Variants in NDEL1 observed in about 807,000 individuals in gnomAD.
NDEL1 encodes the protein nudE neurodevelopment protein 1 like 1.
Under a neutral mutation model 45.7 loss-of-function variants are expected in NDEL1, and 9 were observed. That is an observed-to-expected ratio of 0.20 (90% CI 0.12 to 0.34). The LOEUF (loss-of-function observed/expected upper bound fraction) is 0.34, where lower values mean the gene tolerates loss of function less well. Ranked by LOEUF, NDEL1 falls within the 10% of genes least tolerant of loss-of-function variation. The probability of loss-of-function intolerance (pLI) is 1.00; values close to 1 mark genes in which losing one functional copy is unlikely to be tolerated. For synonymous variants in NDEL1, 133 were observed against 158.6 expected, an observed-to-expected ratio of 0.84 and a Z score of 1.21; for missense variants, 306 against 406.2, an observed-to-expected ratio of 0.75 and a Z score of 2.12.
intron 7 of NDEL1, among the ~76,000 whole-genome samples, chr17:8,455,784 A>AC (rs1415177094): frequency 6.6e-6 from 1 of 151,424 alleles, no homozygotes; most frequent in Admixed American, 6.6e-5. Context: ...CAAGAGTATT[A>AC]CCCCATTTTT....
intron 8 of NDEL1, chr17:8,463,379 C>CT: frequency 1.2e-6 from 2 of 1,607,912 alleles, no homozygotes; most frequent in South Asian, 2.2e-5. Flanking sequence ...TTGCTGTGCT[C>CT]TTTTTCATTC....
chr17:8,444,475 G>A, intron 2 of NDEL1, 118 bp downstream of exon 2: 1 of 672,752 alleles, frequency 1.5e-6, no homozygotes. Flanking sequence ...TAGGATTCTA[G>A]GATTGAGATT....
At position 8,459,833 on chromosome 17, in the gene NDEL1, G is replaced by A. The variant is rs572936561; in HGVS notation, c.793-176G>A. ...AAAATATTCTGAGGTCATTAGAAAG[G>A]GAGCATAAGTATTCCCCCTTTTTAT... On this transcript the variant is annotated intron_variant, in intron 7 of 8. Transcript: ENST00000334527. Among the ~76,000 whole-genome samples the A allele has an allele frequency of 1.3e-4, 20 of 152,280 alleles. No individual in the cohort carries two copies. The South Asian group carries it at 2.9e-3, about 22-fold the overall frequency.
intron 1 of NDEL1, among the ~76,000 whole-genome samples, chr17:8,441,648 TCAC>T (rs1252275818): frequency 1.3e-5 from 2 of 152,206 alleles, no homozygotes; most frequent in Non-Finnish European, 2.9e-5. Flanking sequence ...TAACATGTCT[TCAC>T]CACAACCTCA....
chr17:8,444,137 A>C (rs1240918369), intron 1 of NDEL1, 123 bp from the exon 2 acceptor site: 3 of 628,762 alleles, frequency 4.8e-6, no homozygotes, highest in Admixed American at 5.7e-5. Flanking sequence ...AGAGTTAACC[A>C]CTGGAATCTC....
intron 1 of NDEL1, among the ~76,000 whole-genome samples, chr17:8,424,396 TG>T (rs1908775717): frequency 6.6e-6 from 1 of 152,272 alleles, no homozygotes; most frequent in African/African-American, 2.4e-5. Flanking sequence ...AACATCCTGT[TG>T]GACAATTTGC....
intron 6 of NDEL1, among the ~76,000 whole-genome samples, chr17:8,454,415 G>A (rs139973202): frequency 6.6e-6 from 1 of 152,090 alleles, no homozygotes; most frequent in African/African-American, 2.4e-5. Context: ...TATTATCAAG[G>A]GCACCACCGC....
At chr17:8,428,616 G>A (rs141299556) in intron 1 of NDEL1, among the ~76,000 whole-genome samples, 198 of 151,996 alleles carry the variant, frequency 1.3e-3, no homozygotes, top group African/African-American at 4.5e-3. Flanking sequence ...GACCACCCTG[G>A]CCTCCCAAAG....
chr17:8,463,422 T>A (rs369378944), intron 8 of NDEL1: 33 of 1,487,128 alleles, frequency 2.2e-5, no homozygotes, highest in Non-Finnish European at 2.0e-5. Flanking sequence ...GGAAGACACA[T>A]TAACAATCTG....
chr17:8,449,246 G>A (rs1374198226), intron 5 of NDEL1, among the ~76,000 whole-genome samples: 3 of 152,194 alleles, frequency 2.0e-5, no homozygotes, highest in Admixed American at 1.3e-4. Flanking sequence ...CTCCCAAAAT[G>A]CTGGGATTAC....
downstream of NDEL1, among the ~76,000 whole-genome samples, chr17:8,469,098 TGTTA>T (rs562746707): frequency 6.6e-5 from 10 of 152,188 alleles, no homozygotes; most frequent in Non-Finnish European, 1.0e-4. Flanking sequence ...GAATATCTGC[TGTTA>T]GTTCCTGGAG....
In NDEL1 at chr17:8,426,308, C is replaced by T. The variant is rs114457541; in HGVS notation, c.-13+13039C>T. ...CATTGGCTTACCTGGTAATGGGAAT[C>T]GGGCTAAAATTGCTTAATAAGCTTA... is the stretch of plus-strand genomic sequence containing the variant. On this transcript the variant is annotated intron_variant, in intron 1 of 4. Coordinates refer to the NDEL1 transcript ENST00000582812. 2.1e-3 allele frequency among the ~76,000 whole-genome samples: 327 copies of T among 152,280 alleles called. 4 individuals are homozygous for T. The highest frequency in any genetic ancestry group is 7.6e-3 in the African/African-American group (317 of 41,552).
chr17:8,454,656 A>G, intron 6 of NDEL1, 140 bp from the exon 7 acceptor site: 2 of 644,378 alleles, frequency 3.1e-6, no homozygotes, highest in Non-Finnish European at 5.5e-6. Context: ...TAGCCTATTT[A>G]TGGTATCTAT....
intron 1 of NDEL1, among the ~76,000 whole-genome samples, chr17:8,414,145 T>C (rs114021527): frequency 0.012 from 1,856 of 152,314 alleles, 40 homozygotes; most frequent in African/African-American, 0.041. Flanking sequence ...TATGTAGTAT[T>C]CCATTGTGTG....
chr17:8,429,518 A>G (rs1908949676), intron 1 of NDEL1, among the ~76,000 whole-genome samples: 1 of 152,174 alleles, frequency 6.6e-6, no homozygotes, highest in African/African-American at 2.4e-5. Context: ...TGGAGGAGCT[A>G]GCATATGAGT....
chr17:8,429,723 C>T (rs574522573), intron 1 of NDEL1, among the ~76,000 whole-genome samples: 13 of 152,154 alleles, frequency 8.5e-5, no homozygotes, highest in African/African-American at 2.9e-4. Flanking sequence ...GCTGGAGTTG[C>T]TTTGGGAAGG....
At chr17:8,434,488 G>T (rs1368006084), upstream of NDEL1, among the ~76,000 whole-genome samples, 3 of 151,962 alleles carry the variant, frequency 2.0e-5, no homozygotes, top group Non-Finnish European at 2.9e-5. Context: ...AAGTGCTGCA[G>T]CGCCTGGCCG....
intron 1 of NDEL1, among the ~76,000 whole-genome samples, chr17:8,425,362 G>A (rs191691513): frequency 7.6e-4 from 116 of 152,320 alleles, no homozygotes; most frequent in African/African-American, 2.0e-3. Context: ...GTGGAGGATC[G>A]CTTGAGCCTA....
intron 1 of NDEL1, among the ~76,000 whole-genome samples, chr17:8,417,091 C>G (rs1908562483): frequency 1.3e-5 from 2 of 152,018 alleles, no homozygotes; most frequent in Non-Finnish European, 2.9e-5. Flanking sequence ...GCTGCTGAAT[C>G]TCTCTCTCTT....
Sources: gnomAD v4.1 joint callset for allele counts (sites outside exome capture counted in the v4.1 genomes callset) on GRCh38, gnomAD v4.1.1 for gene constraint, MANE v1.5 for transcripts, NCBI Gene and HGNC (gene_info 2026-07-23, HGNC 2026-07-21) for gene names.